PTPRD: variants seen among roughly 807,000 people sequenced by gnomAD.
PTPRD encodes the protein receptor-type tyrosine-protein phosphatase delta.
PTPRD carries 34 observed loss-of-function variants against 214.5 expected under a neutral mutation model. The ratio of observed to expected loss-of-function variants is 0.16; its 90% CI spans 0.12 to 0.21. PTPRD has a LOEUF of 0.21. PTPRD is among the 10% of genes least tolerant of loss of function. PTPRD has a pLI of 1.00. For missense variants in PTPRD, 2,545 were observed against 2,398.7 expected (o/e 1.06, Z -1.27); for synonymous variants, 1,128 against 845.7 (o/e 1.33, Z -5.79).
intron 11 of PTPRD, among the ~76,000 whole-genome samples, chr9:9,010,815 T>C (rs1232248087): frequency 6.6e-6 from 1 of 152,154 alleles, no homozygotes; most frequent in African/African-American, 2.4e-5. Flanking sequence ...TCTTGGGTGA[T>C]AAACATGCAC....
In PTPRD at chr9:9,519,047, T is replaced by C. The variant is rs117981497; in HGVS notation, c.-237+55685A>G. Among the ~76,000 whole-genome samples, 157 of 152,074 alleles carry C rather than the reference T, an allele frequency of 1.0e-3. 1 individual carries two copies. In the East Asian group the frequency reaches 0.017, roughly 16 times the overall value. On this transcript the variant is annotated intron_variant, in intron 8 of 45. Transcript: ENST00000381196. ...TACAGTATGTTAATCTAGATATAAA[T>C]AGACCAAAAACAATTAATCTCCATG...
chr9:10,536,062 G>C (rs1159880649), intron 2 of PTPRD, among the ~76,000 whole-genome samples: 2 of 152,136 alleles, frequency 1.3e-5, no homozygotes. Context: ...GGAATCACTT[G>C]TGAGTGAGCG....
chr9:9,933,386 T>C, intron 5 of PTPRD, among the ~76,000 whole-genome samples: 1 of 151,730 alleles, frequency 6.6e-6, no homozygotes, highest in Non-Finnish European at 1.5e-5. Context: ...GAGGAAGATC[T>C]ACCAAGCAAA....
chr9:9,891,287 T>A (rs2073231915), intron 5 of PTPRD, among the ~76,000 whole-genome samples: 1 of 152,128 alleles, frequency 6.6e-6, no homozygotes, highest in Non-Finnish European at 1.5e-5. Flanking sequence ...AACTCCCAAT[T>A]ATTTTAGACT....
intron 10 of PTPRD, among the ~76,000 whole-genome samples, chr9:9,133,593 A>G (rs12335761): frequency 0.053 from 8,134 of 152,238 alleles, 504 homozygotes; most frequent in African/African-American, 0.14. Context: ...CTCACTTTTG[A>G]AGACATGGAT....
rs184248150 is a variant in PTPRD, at chr9:9,578,949, C to T, written c.-286-4168G>A. Among the ~76,000 whole-genome samples the T allele has an allele frequency of 2.6e-3, 388 of 152,100 alleles. 2 individuals are homozygous for T. The highest frequency in any genetic ancestry group is 8.7e-3 in the African/African-American group (362 of 41,528). On this transcript the variant is annotated intron_variant, in intron 7 of 45. Coordinates refer to ENST00000381196, the MANE Select transcript of PTPRD (RefSeq NM_002839.4). ...GTCTCAGTATTTTTATGTATTAATT[C>T]ATTTAATTCTGATAATTATATTTTT...
At position 9,366,977 on chromosome 9, in the gene PTPRD, T is replaced by G. The variant is rs190815992; in HGVS notation, c.-203+30472A>C. 3.7e-3 allele frequency among the ~76,000 whole-genome samples: 561 copies of G among 151,562 alleles called. 6 individuals carry two copies. Among genetic ancestry groups the G allele is most frequent in the African/African-American group, 0.013 (521 of 41,464 alleles). ...AAATGAAAAAAATTACAAAATGTCC[T>G]GCGAAATTTGGTAGTAAAATGAAAC... On this transcript the variant is annotated intron_variant, in intron 9 of 45. Coordinates refer to ENST00000381196, the MANE Select transcript of PTPRD (RefSeq NM_002839.4).
At chr9:9,672,089 T>G (rs1343828087) in intron 7 of PTPRD, among the ~76,000 whole-genome samples, 1 of 152,170 alleles carries the variant, frequency 6.6e-6, no homozygotes, top group African/African-American at 2.4e-5. Flanking sequence ...CACATTGAAC[T>G]AATCACTATA....
At chr9:10,090,164 T>C (rs1339848897) in intron 3 of PTPRD, among the ~76,000 whole-genome samples, 1 of 151,636 alleles carries the variant, frequency 6.6e-6, no homozygotes, top group East Asian at 1.9e-4. Context: ...TATTTCACTT[T>C]TTAAAATCTG....
At chr9:10,427,484 T>C (rs775638021) in intron 2 of PTPRD, among the ~76,000 whole-genome samples, 3 of 152,102 alleles carry the variant, frequency 2.0e-5, no homozygotes, top group Non-Finnish European at 4.4e-5. Context: ...TTTAAACTAC[T>C]TAGTAAGCAT....
Position 9,193,675 on chromosome 9 carries a change from A to T in PTPRD, c.-202-10312T>A, listed in dbSNP as rs1276142678. On this transcript the variant is annotated intron_variant, in intron 9 of 45. Coordinates refer to ENST00000381196, the MANE Select transcript of PTPRD (RefSeq NM_002839.4). ...TCTAAGCATAGAAAATGTACAGTAA[A>T]ATATCATCTAAAAGATAAAAAATGG... Among the ~76,000 whole-genome samples the T allele has an allele frequency of 2.0e-5, 3 of 152,262 alleles. No individual in the cohort carries two copies. The East Asian group carries it at 5.8e-4, about 29-fold the overall frequency.
At chr9:8,719,004 T>C (rs975920792) in intron 12 of PTPRD, among the ~76,000 whole-genome samples, 3 of 152,180 alleles carry the variant, frequency 2.0e-5, no homozygotes, top group Non-Finnish European at 2.9e-5. Context: ...CCATGACTTT[T>C]GTGCTTTTAT....
At chr9:10,544,705 T>C (rs1042581323) in intron 2 of PTPRD, among the ~76,000 whole-genome samples, 2 of 152,180 alleles carry the variant, frequency 1.3e-5, no homozygotes, top group South Asian at 2.1e-4. Context: ...GACAACATCC[T>C]CTTTTTGAAA....
chr9:9,077,135 T>C (rs2099752372), intron 10 of PTPRD, among the ~76,000 whole-genome samples: 1 of 142,810 alleles, frequency 7.0e-6, no homozygotes, highest in South Asian at 2.3e-4. Flanking sequence ...GTTTTGCCCA[T>C]TTTAAAATCA....
rs2099924525 is a variant in PTPRD, at chr9:9,175,898, GC to G, written c.-143+7405del. Among the ~76,000 whole-genome samples the G allele has an allele frequency of 2.0e-5, 3 of 152,000 alleles. No individual in the cohort carries two copies. In the South Asian group the frequency reaches 6.2e-4, roughly 32 times the overall value. On this transcript the variant is annotated intron_variant, in intron 10 of 45. Transcript: ENST00000381196. Reference sequence around the variant, plus strand: ...CCATATGCAATGGGTATAACTTAATGCCCCAAATCTGTAGGCCTGAAAAAAG... The same window carrying G: ...CCATATGCAATGGGTATAACTTAATGCCCAAATCTGTAGGCCTGAAAAAAG...
intron 12 of PTPRD, among the ~76,000 whole-genome samples, chr9:8,655,646 G>T (rs1189579447): frequency 6.6e-6 from 1 of 151,656 alleles, no homozygotes; most frequent in African/African-American, 2.4e-5. Flanking sequence ...ATCACCAGCA[G>T]AGCCCCTGGA....
chr9:9,925,778 T>C (rs2084072835), intron 5 of PTPRD, among the ~76,000 whole-genome samples: 1 of 152,138 alleles, frequency 6.6e-6, no homozygotes, highest in Non-Finnish European at 1.5e-5. Flanking sequence ...TAATGCTAGA[T>C]AGATGATGAC....
chr9:8,843,276 C>G (rs2097601864), intron 11 of PTPRD, among the ~76,000 whole-genome samples: 1 of 152,190 alleles, frequency 6.6e-6, no homozygotes, highest in African/African-American at 2.4e-5. Context: ...TGTCATTAGG[C>G]AAAATGCACA....
At chr9:9,770,306 A>G (rs897207543) in intron 5 of PTPRD, among the ~76,000 whole-genome samples, 1 of 152,196 alleles carries the variant, frequency 6.6e-6, no homozygotes, top group African/African-American at 2.4e-5. Context: ...CCATTCTTAC[A>G]GCGTGAGAGA....
Sources: gnomAD v4.1 joint callset for allele counts (sites outside exome capture counted in the v4.1 genomes callset) on GRCh38, gnomAD v4.1.1 for gene constraint, MANE v1.5 for transcripts, NCBI Gene and HGNC (gene_info 2026-07-23, HGNC 2026-07-21) for gene names.